Variants in MIPOL1 observed in about 807,000 individuals in gnomAD.
The protein encoded by MIPOL1 is mirror-image polydactyly gene 1 protein.
In MIPOL1, 57 loss-of-function variants were observed where a neutral mutation model predicts 60.9. The observed-to-expected ratio is 0.94, with a 90% CI of 0.76 to 1.17. The LOEUF (loss-of-function observed/expected upper bound fraction) is 1.17. MIPOL1 is among the 50% of genes most tolerant of loss of function. MIPOL1 has a pLI of 0.00. For synonymous variants in MIPOL1, 179 were observed against 168.8 expected (o/e 1.06, Z -0.47); for missense variants, 551 against 511.6 (o/e 1.08, Z -0.74).
chr14:37,358,700 T>A (rs1305235563), intron 9 of MIPOL1, among the ~76,000 whole-genome samples: 1 of 152,146 alleles, frequency 6.6e-6, no homozygotes, highest in Non-Finnish European at 1.5e-5. Context: ...TTCTTGTAAA[T>A]TTGTTAAATT....
At chr14:37,498,297 CTT>C (rs1330816716) in intron 11 of MIPOL1, among the ~76,000 whole-genome samples, 8 of 151,990 alleles carry the variant, frequency 5.3e-5, no homozygotes, top group Non-Finnish European at 7.4e-5. Flanking sequence ...TATATATGCA[CTT>C]TGTGTAATTT....
intron 9 of MIPOL1, among the ~76,000 whole-genome samples, chr14:37,344,647 A>G (rs2090814218): frequency 6.6e-6 from 1 of 152,166 alleles, no homozygotes; most frequent in Admixed American, 6.5e-5. Context: ...TCTAAAGATA[A>G]CATTCCTGTT....
At chr14:37,462,904 GTCT>G (rs1485731826) in intron 11 of MIPOL1, among the ~76,000 whole-genome samples, 3 of 152,038 alleles carry the variant, frequency 2.0e-5, no homozygotes, top group Non-Finnish European at 4.4e-5. Flanking sequence ...ATATTTTCCT[GTCT>G]TCTTCTGAGC....
chr14:37,382,007 A>T (rs1397904515), intron 10 of MIPOL1, among the ~76,000 whole-genome samples: 1 of 152,032 alleles, frequency 6.6e-6, no homozygotes, highest in African/African-American at 2.4e-5. Flanking sequence ...TTTCAAGTTG[A>T]TTTTTATATT....
intron 3 of MIPOL1, among the ~76,000 whole-genome samples, chr14:37,250,798 C>G (rs529636370): frequency 6.6e-6 from 1 of 151,990 alleles, no homozygotes; most frequent in Non-Finnish European, 1.5e-5. Context: ...TTAATTAAAA[C>G]TTGTATTACA....
At chr14:37,287,027 A>C (rs990357389) in intron 7 of MIPOL1, among the ~76,000 whole-genome samples, 10 of 152,094 alleles carry the variant, frequency 6.6e-5, no homozygotes, top group Non-Finnish European at 1.2e-4. Context: ...TTCTGAACCC[A>C]GTCTATCTTT....
chr14:37,355,290 G>A (rs1000069497), intron 9 of MIPOL1, among the ~76,000 whole-genome samples: 1 of 120,084 alleles, frequency 8.3e-6, no homozygotes, highest in Non-Finnish European at 1.8e-5. Context: ...TTAGTCTGAT[G>A]GGCTTCCCTT....
At chr14:37,526,462 C>T (rs1162495625) in intron 12 of MIPOL1, among the ~76,000 whole-genome samples, 23 of 151,288 alleles carry the variant, frequency 1.5e-4, no homozygotes, top group Admixed American at 7.9e-4. Flanking sequence ...CTCCACCTCC[C>T]CGGTTTACGC....
At chr14:37,379,821 T>C (rs2153507744) in intron 10 of MIPOL1, among the ~76,000 whole-genome samples, 1 of 152,212 alleles carries the variant, frequency 6.6e-6, no homozygotes, top group African/African-American at 2.4e-5. Context: ...TAGTGTATAA[T>C]GTGTATGTAA....
intron 2 of MIPOL1, among the ~76,000 whole-genome samples, 186 bp downstream of exon 2, chr14:37,247,426 A>C (rs1206036958): frequency 6.6e-6 from 1 of 152,062 alleles, no homozygotes; most frequent in African/African-American, 2.4e-5. Flanking sequence ...TTATTAAAGT[A>C]ATCTATATGA....
intron 10 of MIPOL1, among the ~76,000 whole-genome samples, chr14:37,381,516 G>A (rs1161497975): frequency 6.6e-6 from 1 of 151,788 alleles, no homozygotes; most frequent in African/African-American, 2.4e-5. Flanking sequence ...ACAAAGGCAT[G>A]TATTTGAATA....
chr14:37,369,811 C>T (rs937570220), intron 10 of MIPOL1, 187 bp downstream of exon 10: 14 of 334,738 alleles, frequency 4.2e-5, no homozygotes, highest in Admixed American at 2.8e-4. Context: ...CGTATGTGTA[C>T]GTGAAAACAA....
At chr14:37,537,294 C>A (rs974269671) in intron 12 of MIPOL1, among the ~76,000 whole-genome samples, 1 of 152,098 alleles carries the variant, frequency 6.6e-6, no homozygotes, top group Non-Finnish European at 1.5e-5. Flanking sequence ...GCCACCTTAG[C>A]TAGGCTAAGA....
intron 12 of MIPOL1, chr14:37,503,257 T>C (rs1027509693): frequency 4.6e-5 from 7 of 151,784 alleles, no homozygotes; most frequent in African/African-American, 1.5e-4. Context: ...TCAGGAAATA[T>C]ACAGAACATC....
At chr14:37,343,712 A>T (rs965483471) in intron 9 of MIPOL1, among the ~76,000 whole-genome samples, 1 of 152,210 alleles carries the variant, frequency 6.6e-6, no homozygotes, top group African/African-American at 2.4e-5. Flanking sequence ...CATAGAACAG[A>T]ATCATTACGA....
intron 11 of MIPOL1, among the ~76,000 whole-genome samples, chr14:37,479,664 G>A (rs1336222223): frequency 6.6e-6 from 1 of 151,972 alleles, no homozygotes; most frequent in Non-Finnish European, 1.5e-5. Flanking sequence ...CCCAAAATTA[G>A]CAGAAGGAAG....
At chr14:37,349,420 C>T (rs141230182) in intron 9 of MIPOL1, among the ~76,000 whole-genome samples, 1 of 152,304 alleles carries the variant, frequency 6.6e-6, no homozygotes, top group East Asian at 1.9e-4. Flanking sequence ...TTACAAGAAT[C>T]TCAAGGCTCT....
intron 11 of MIPOL1, among the ~76,000 whole-genome samples, chr14:37,499,370 T>C (rs892016022): frequency 3.9e-5 from 6 of 152,192 alleles, no homozygotes; most frequent in African/African-American, 1.2e-4. Context: ...ATACATTTTA[T>C]TTCTGTGCAA....
At chr14:37,366,122 A>G (rs1170620512) in intron 9 of MIPOL1, among the ~76,000 whole-genome samples, 1 of 150,936 alleles carries the variant, frequency 6.6e-6, no homozygotes, top group Admixed American at 6.6e-5. Flanking sequence ...CTTTTGTTAT[A>G]TTGATCTCTT....
Sources: gnomAD v4.1 joint callset for allele counts (sites outside exome capture counted in the v4.1 genomes callset) on GRCh38, gnomAD v4.1.1 for gene constraint, MANE v1.5 for transcripts, NCBI Gene and HGNC (gene_info 2026-07-23, HGNC 2026-07-21) for gene names.